Variants in ABCD3 observed in about 807,000 individuals in gnomAD.
The protein encoded by ABCD3 is ATP binding cassette subfamily D member 3, also known as ATP-binding cassette sub-family D member 3.
A neutral mutation model predicts 105.5 loss-of-function variants in ABCD3; 41 were observed. The ratio of observed to expected loss-of-function variants is 0.39; its 90% CI spans 0.30 to 0.50. The LOEUF (loss-of-function observed/expected upper bound fraction) is 0.50. Ranked by LOEUF, ABCD3 falls within the 20% of genes least tolerant of loss-of-function variation. The pLI, the probability that ABCD3 is intolerant of heterozygous loss-of-function variation, is 0.84. For synonymous variants in ABCD3, 258 were observed against 269.0 expected (o/e 0.96, Z 0.40); for missense variants, 622 against 806.3 (o/e 0.77, Z 2.77).
At chr1:94,443,218 T>C (rs1391514506) in intron 1 of ABCD3, among the ~76,000 whole-genome samples, 7 of 152,232 alleles carry the variant, frequency 4.6e-5, no homozygotes, top group Admixed American at 3.3e-4. Flanking sequence ...TGATGATTAG[T>C]GATGTTGAGC....
chr1:94,489,872 A>G (rs758453545), intron 14 of ABCD3, 31 bp from the exon 15 acceptor site: 4 of 1,611,824 alleles, frequency 2.5e-6, no homozygotes, highest in Non-Finnish European at 2.5e-6. Flanking sequence ...CTGACATAAT[A>G]TGATGCTTTA....
chr1:94,478,968 A>G (rs1648900164), intron 8 of ABCD3, among the ~76,000 whole-genome samples: 1 of 152,200 alleles, frequency 6.6e-6, no homozygotes, highest in African/African-American at 2.4e-5. Context: ...AACTTTAGTC[A>G]TTTAATATGT....
At chr1:94,404,938 GA>G in the ABCD3 span, among the ~76,000 whole-genome samples, 211 of 86,630 alleles carry the variant, frequency 2.4e-3, 1 homozygote, top group Middle Eastern at 9.6e-3. Context: ...GACCCATCTC[GA>G]AAAAAAAAAA....
At chr1:94,396,590 A>AT in the ABCD3 span, among the ~76,000 whole-genome samples, 4 of 151,252 alleles carry the variant, frequency 2.6e-5, no homozygotes, top group African/African-American at 9.7e-5. Context: ...TGTGAATAGA[A>AT]GTGTGTGTGT....
the ABCD3 span, among the ~76,000 whole-genome samples, chr1:94,408,809 G>A: frequency 6.6e-3 from 1,000 of 152,224 alleles, 7 homozygotes; most frequent in African/African-American, 0.019. Flanking sequence ...GATCATAATT[G>A]TGTATTATAA....
chr1:94,473,720 A>G (rs757824874), intron 4 of ABCD3, 46 bp from the exon 5 acceptor site: 19 of 1,422,518 alleles, frequency 1.3e-5, no homozygotes, highest in Non-Finnish European at 1.9e-5. Context: ...CTAGTGTTAG[A>G]TTTTGCTTCT....
At chr1:94,488,479 G>T (rs1277524160) in intron 13 of ABCD3, among the ~76,000 whole-genome samples, 1 of 151,898 alleles carries the variant, frequency 6.6e-6, no homozygotes, top group African/African-American at 2.4e-5. Flanking sequence ...ATTATCTTTA[G>T]ACAGTAGAAT....
intron 8 of ABCD3, chr1:94,478,671 G>A (rs1570798004): frequency 2.2e-6 from 2 of 911,310 alleles, no homozygotes; most frequent in African/African-American, 1.7e-5. Context: ...GACAAAAAGC[G>A]AGACCCGCTT....
chr1:94,513,917 T>G (rs1254138662), intron 21 of ABCD3: 1 of 152,032 alleles, frequency 6.6e-6, no homozygotes, highest in Non-Finnish European at 1.5e-5. Context: ...CCTAACCAAT[T>G]TAAGAACCTT....
At chr1:94,451,219 A>T (rs1647234210) in intron 1 of ABCD3, among the ~76,000 whole-genome samples, 1 of 151,898 alleles carries the variant, frequency 6.6e-6, no homozygotes, top group African/African-American at 2.4e-5. Context: ...TTATAGGATG[A>T]CTCTGGAAAT....
chr1:94,418,180 G>A (rs1457858210), upstream of ABCD3, among the ~76,000 whole-genome samples: 1 of 152,222 alleles, frequency 6.6e-6, no homozygotes, highest in South Asian at 2.1e-4. Flanking sequence ...GCAGGGCTGA[G>A]TAGCAACAGC....
At chr1:94,501,850 GT>G (rs958244717) in intron 20 of ABCD3, among the ~76,000 whole-genome samples, 4 of 149,574 alleles carry the variant, frequency 2.7e-5, no homozygotes, top group East Asian at 2.0e-4. Flanking sequence ...AATTTTTAGT[GT>G]TTTTTTAATC....
intron 1 of ABCD3, among the ~76,000 whole-genome samples, chr1:94,452,045 A>G (rs1415621927): frequency 6.6e-6 from 1 of 152,142 alleles, no homozygotes; most frequent in Admixed American, 6.6e-5. Context: ...TCTTGGGATA[A>G]TCCTTGGGTG....
chr1:94,493,837 C>T (rs1027742649), intron 16 of ABCD3, among the ~76,000 whole-genome samples: 13 of 151,886 alleles, frequency 8.6e-5, no homozygotes, highest in African/African-American at 2.9e-4. Context: ...AGTAAACTAT[C>T]GCAAGGACAA....
At chr1:94,463,287 T>G (rs1647966387) in intron 2 of ABCD3, among the ~76,000 whole-genome samples, 1 of 152,182 alleles carries the variant, frequency 6.6e-6, no homozygotes, top group African/African-American at 2.4e-5. Context: ...ATAAACACAG[T>G]GCCTTCAGAC....
chr1:94,469,037 TAA>T (rs1280079143), intron 4 of ABCD3, among the ~76,000 whole-genome samples: 2 of 152,236 alleles, frequency 1.3e-5, no homozygotes, highest in Admixed American at 6.5e-5. Flanking sequence ...ACTTTAAAAG[TAA>T]TACATGAACA....
At chr1:94,486,377 T>C (rs991920686) in intron 10 of ABCD3, among the ~76,000 whole-genome samples, 1 of 152,190 alleles carries the variant, frequency 6.6e-6, no homozygotes, top group Non-Finnish European at 1.5e-5. Context: ...CTAGTTATGC[T>C]CTTTCATTAG....
intron 2 of ABCD3, among the ~76,000 whole-genome samples, chr1:94,462,875 CT>C (rs1557673245): frequency 6.6e-6 from 1 of 152,042 alleles, no homozygotes; most frequent in African/African-American, 2.4e-5. Context: ...AGTTTAACTT[CT>C]TTTTTTAAAA....
At chr1:94,424,729 A>G (rs1659398170) in intron 1 of ABCD3, among the ~76,000 whole-genome samples, 1 of 152,132 alleles carries the variant, frequency 6.6e-6, no homozygotes, top group Non-Finnish European at 1.5e-5. Flanking sequence ...TGCCACTCAA[A>G]ATAGCATCCT....
Sources: allele counts gnomAD v4.1 joint callset (sites outside exome capture counted in the v4.1 genomes callset), GRCh38; gene constraint gnomAD v4.1.1; transcripts MANE v1.5; gene names NCBI Gene and HGNC (gene_info 2026-07-23, HGNC 2026-07-21).